Variants in HMCN2 observed in about 807,000 individuals in gnomAD.
HMCN2 encodes the protein hemicentin-2.
HMCN2 carries 325 observed loss-of-function variants against 377.5 expected under a neutral mutation model. The observed-to-expected ratio is 0.86, with a 90% CI of 0.79 to 0.94. The LOEUF (loss-of-function observed/expected upper bound fraction) is 0.94, where lower values mean the gene tolerates loss of function less well. Among genes scored for constraint, HMCN2 ranks in the 40% least tolerant of loss-of-function variants. HMCN2 has a pLI of 0.00. For missense variants in HMCN2, 4,543 were observed against 4,725.3 expected (o/e 0.96, Z 1.13); for synonymous variants, 2,007 against 2,046.8 (o/e 0.98, Z 0.53).
chr9:130,370,690 T>C (rs1398363295), intron 45 of HMCN2, among the ~76,000 whole-genome samples: 1 of 152,226 alleles, frequency 6.6e-6, no homozygotes, highest in Non-Finnish European at 1.5e-5. Flanking sequence ...CTGGGCACTT[T>C]CACGTGTTCC....
chr9:130,332,539 C>G (rs1176150271), intron 22 of HMCN2, among the ~76,000 whole-genome samples: 1 of 152,212 alleles, frequency 6.6e-6, no homozygotes, highest in East Asian at 1.9e-4. Context: ...GGCGTCAGCA[C>G]CATCCTCGTT....
chr9:130,434,007 G>A lies in HMCN2; in HGVS notation c.*314G>A. ...GCGGGACAGGGACACAGGGCACCTG[G>A]ACGCGCGGGAGAGGGGGCAGACCCC... is the stretch of plus-strand genomic sequence containing the variant. On this transcript the variant is annotated 3_prime_UTR_variant, in exon 98 of 98. Transcript: ENST00000683500. 3.4e-6 allele frequency: 1 copy of A among 291,888 alleles called. No individual in the cohort carries two copies. 18.1% of individuals were successfully genotyped at this position (291,888 alleles called of 1,614,324 possible).
intron 5 of HMCN2, among the ~76,000 whole-genome samples, chr9:130,295,286 G>C (rs550404264): frequency 6.6e-6 from 1 of 152,122 alleles, no homozygotes; most frequent in African/African-American, 2.4e-5. Flanking sequence ...AGTCTTTTCC[G>C]TGGTACCCCA....
At chr9:130,385,473 G>A (rs1322336824) in intron 59 of HMCN2, 87 bp from the exon 60 acceptor site, 1 of 949,506 alleles carries the variant, frequency 1.1e-6, no homozygotes, top group Non-Finnish European at 1.5e-6. Flanking sequence ...TGACCCTGGT[G>A]GGTTTCCACT....
At chr9:130,314,708 C>G (rs1418385385) in intron 15 of HMCN2, among the ~76,000 whole-genome samples, 1 of 152,224 alleles carries the variant, frequency 6.6e-6, no homozygotes, top group Admixed American at 6.5e-5. Context: ...CTGGAGCTGG[C>G]TGCAACCCCC....
At chr9:130,397,967 G>T (rs1842685526) in intron 74 of HMCN2, among the ~76,000 whole-genome samples, 1 of 149,598 alleles carries the variant, frequency 6.7e-6, no homozygotes, top group South Asian at 2.1e-4. Flanking sequence ...GGGCAACATA[G>T]TGAGACCCCA....
intron 82 of HMCN2, chr9:130,406,763 T>C (rs1164325088): frequency 6.4e-6 from 1 of 157,046 alleles, no homozygotes; most frequent in African/African-American, 2.4e-5. Flanking sequence ...GCAGGTATAA[T>C]AGTTCAGCCT....
intron 15 of HMCN2, among the ~76,000 whole-genome samples, chr9:130,310,439 C>G (rs868951016): frequency 2.6e-5 from 4 of 152,170 alleles, no homozygotes; most frequent in African/African-American, 9.6e-5. Flanking sequence ...TCTAGGCTCA[C>G]TCGTGGGGCT....
Position 130,388,507 on chromosome 9 carries a change from A to G in HMCN2, c.9490A>G (p.Thr3164Ala). The G allele has an allele frequency of 1.0e-6, 1 of 988,056 alleles. No individual in the cohort carries two copies. Among genetic ancestry groups the G allele is most frequent in the Non-Finnish European group, 1.2e-6 (1 of 830,140 alleles). 61.2% of individuals were successfully genotyped at this position (988,056 alleles called of 1,614,324 possible). Residue 3164 changes from threonine to alanine, a missense_variant, in exon 62 of 98, where the codon ACG becomes GCG. Thr to Ala is a moderately conservative substitution (Grantham distance 58). Coordinates refer to ENST00000683500, the MANE Select transcript of HMCN2 (RefSeq NM_001291815.2). ...TGATGTGTCCGGGGTCCCTGCACCC[A>G]CGGTCACTTGGCTGAAGGACAGGAT... ...TCDVSGVPAP[T>A]VTWLKDRMPV...
intron 43 of HMCN2, among the ~76,000 whole-genome samples, chr9:130,368,074 G>A (rs1463943156): frequency 6.6e-6 from 1 of 152,062 alleles, no homozygotes; most frequent in Non-Finnish European, 1.5e-5. Context: ...GAAGCCTAGG[G>A]GGATGGGGGG....
chr9:130,412,164 G>A (rs1411618906), intron 85 of HMCN2, among the ~76,000 whole-genome samples: 1 of 152,136 alleles, frequency 6.6e-6, no homozygotes, highest in Non-Finnish European at 1.5e-5. Flanking sequence ...TAGAAACGGG[G>A]TTTCACCATG....
intron 6 of HMCN2, among the ~76,000 whole-genome samples, chr9:130,296,379 C>G (rs1360800577): frequency 3.9e-5 from 6 of 152,210 alleles, no homozygotes; most frequent in African/African-American, 1.4e-4. Flanking sequence ...GAGGGCAAGG[C>G]AGGGAGTTAG....
At chr9:130,339,210 A>G (rs1345965183) in intron 23 of HMCN2, among the ~76,000 whole-genome samples, 1 of 152,184 alleles carries the variant, frequency 6.6e-6, no homozygotes, top group Non-Finnish European at 1.5e-5. Flanking sequence ...ACAAAAATTC[A>G]GTGTTTATAA....
chr9:130,395,382 C>G (rs1045361486), intron 71 of HMCN2, 35 bp downstream of exon 71: 1 of 1,265,718 alleles, frequency 7.9e-7, no homozygotes, highest in South Asian at 1.3e-5. Flanking sequence ...GTGCTGCCTT[C>G]TGTCCCGCTC....
At chr9:130,274,616 T>C (rs1427489912) in intron 1 of HMCN2, among the ~76,000 whole-genome samples, 2 of 152,252 alleles carry the variant, frequency 1.3e-5, no homozygotes, top group African/African-American at 4.8e-5. Context: ...TTGTAAAATA[T>C]TCTACTACTA....
chr9:130,286,489 C>T (rs1173380392), intron 4 of HMCN2, among the ~76,000 whole-genome samples, 179 bp downstream of exon 4: 5 of 152,244 alleles, frequency 3.3e-5, no homozygotes, highest in Admixed American at 2.6e-4. Flanking sequence ...GCGCTGTGCT[C>T]AGGTGCCACC....
At chr9:130,366,118 G>T in intron 43 of HMCN2, 123 bp downstream of exon 43, 7 of 727,456 alleles carry the variant, frequency 9.6e-6, no homozygotes, top group Non-Finnish European at 1.2e-5. Flanking sequence ...TACCTCGAGG[G>T]GGTGGGGATG....
rs868945279 is a variant in HMCN2, at chr9:130,273,789, C to T, written c.259+7652C>T. Among the ~76,000 whole-genome samples the T allele has an allele frequency of 2.6e-5, 4 of 152,332 alleles. No homozygotes were observed. The South Asian group carries it at 8.3e-4, about 32-fold the overall frequency. On this transcript the variant is annotated intron_variant, in intron 1 of 97. Transcript: ENST00000683500. Reference sequence around the variant, plus strand: ...CTGGGATTACAGGCGTGCGCCTCCGCGCCCGGCCATCTTGTCTTGCTTTTG... The same window carrying T: ...CTGGGATTACAGGCGTGCGCCTCCGTGCCCGGCCATCTTGTCTTGCTTTTG...
At chr9:130,413,168 T>C (rs960959556) in intron 85 of HMCN2, among the ~76,000 whole-genome samples, 1 of 152,248 alleles carries the variant, frequency 6.6e-6, no homozygotes, top group African/African-American at 2.4e-5. Flanking sequence ...TATGTAGAGA[T>C]ACAGTTGAAT....
Sources: gnomAD v4.1 joint callset for allele counts (sites outside exome capture counted in the v4.1 genomes callset) on GRCh38, gnomAD v4.1.1 for gene constraint, MANE v1.5 for transcripts, NCBI Gene and HGNC (gene_info 2026-07-23, HGNC 2026-07-21) for gene names.